BCKDHB: variants seen among roughly 807,000 people sequenced by gnomAD.
BCKDHB encodes branched chain keto acid dehydrogenase E1 subunit beta.
Under a neutral mutation model 48.5 loss-of-function variants are expected in BCKDHB, and 41 were observed. The observed-to-expected ratio is 0.85, with a 90% CI of 0.66 to 1.10. The LOEUF is 1.10. BCKDHB is among the 50% of genes least tolerant of loss of function. The pLI is 0.00. For synonymous variants in BCKDHB, 201 were observed against 174.8 expected, an observed-to-expected ratio of 1.15 and a Z score of -1.18; for missense variants, 496 against 494.2, an observed-to-expected ratio of 1.00 and a Z score of -0.03.
At chr6:80,119,522 T>C (rs1195693130) in intron 1 of BCKDHB, among the ~76,000 whole-genome samples, 1 of 152,092 alleles carries the variant, frequency 6.6e-6, no homozygotes, top group Non-Finnish European at 1.5e-5. Flanking sequence ...GGTTTCGCCA[T>C]GTTAGCCAGG....
At chr6:80,267,160 C>A (rs887208606) in intron 8 of BCKDHB, among the ~76,000 whole-genome samples, 2 of 152,030 alleles carry the variant, frequency 1.3e-5, no homozygotes, top group African/African-American at 4.8e-5. Context: ...GAGTTTCTGT[C>A]TTCAAACTTG....
chr6:80,145,736 T>C (rs568421339), intron 3 of BCKDHB, among the ~76,000 whole-genome samples: 1 of 152,272 alleles, frequency 6.6e-6, no homozygotes, highest in East Asian at 1.9e-4. Context: ...TGAAATATGC[T>C]CAGTAGAGAA....
the BCKDHB span, among the ~76,000 whole-genome samples, chr6:80,414,572 G>T: frequency 6.6e-6 from 1 of 152,050 alleles, no homozygotes; most frequent in Non-Finnish European, 1.5e-5. Flanking sequence ...ATAGTTGTAA[G>T]GGTGCAGCCA....
rs545777475 is a variant in BCKDHB at position 80,140,564 on chromosome 6, T to G, written c.343+11335T>G. On this transcript the variant is annotated intron_variant, in intron 3 of 9. Coordinates refer to ENST00000320393, the MANE Select transcript of BCKDHB (RefSeq NM_183050.4). Reference sequence around the variant, plus strand: ...TTTTCTGCATCTATTGAGATAATCATGTGGTTTTTGTCTTTGGTTCTGTTT... The same window carrying G: ...TTTTCTGCATCTATTGAGATAATCAGGTGGTTTTTGTCTTTGGTTCTGTTT... Among the ~76,000 whole-genome samples, 151 of 152,260 alleles carry G rather than the reference T, an allele frequency of 9.9e-4. 1 individual carries two copies. The highest frequency in any genetic ancestry group is 6.8e-3 in the Middle Eastern group (2 of 294).
At chr6:80,199,774 A>C (rs1774300236) in intron 6 of BCKDHB, among the ~76,000 whole-genome samples, 1 of 64,248 alleles carries the variant, frequency 1.6e-5, no homozygotes, top group Non-Finnish European at 4.2e-5. Context: ...TCTGTCTCAA[A>C]AAAAAAAAAA....
At chr6:80,253,008 TTCC>T (rs1187754553) in intron 8 of BCKDHB, among the ~76,000 whole-genome samples, 2 of 152,336 alleles carry the variant, frequency 1.3e-5, no homozygotes, top group South Asian at 4.1e-4. Context: ...TTACATTGTT[TTCC>T]TCACAACATC....
the BCKDHB span, among the ~76,000 whole-genome samples, chr6:80,416,666 T>C: frequency 1.3e-5 from 2 of 152,104 alleles, no homozygotes; most frequent in Non-Finnish European, 2.9e-5. Context: ...ATTTCCATTC[T>C]TTTGCATTTG....
At chr6:80,333,013 C>T (rs1161638923) in intron 9 of BCKDHB, among the ~76,000 whole-genome samples, 1 of 152,070 alleles carries the variant, frequency 6.6e-6, no homozygotes, top group Non-Finnish European at 1.5e-5. Context: ...GACCCCCTAG[C>T]TCCCCCAAAA....
chr6:80,365,448 T>C, the BCKDHB span, among the ~76,000 whole-genome samples: 1 of 152,060 alleles, frequency 6.6e-6, no homozygotes, highest in Non-Finnish European at 1.5e-5. Flanking sequence ...CCCAGGGTAT[T>C]AATATTAATA....
chr6:80,437,059 A>G, the BCKDHB span, among the ~76,000 whole-genome samples: 99 of 152,304 alleles, frequency 6.5e-4, 1 homozygote, highest in Admixed American at 1.5e-3. Context: ...AGATTTAGGC[A>G]TTATTTTAAT....
At chr6:80,233,857 G>C (rs189731019) in intron 8 of BCKDHB, among the ~76,000 whole-genome samples, 1 of 152,200 alleles carries the variant, frequency 6.6e-6, no homozygotes, top group African/African-American at 2.4e-5. Flanking sequence ...AAAAATAGTC[G>C]TATAGAGCAG....
At chr6:80,238,048 C>T (rs866714210) in intron 8 of BCKDHB, among the ~76,000 whole-genome samples, 1 of 152,118 alleles carries the variant, frequency 6.6e-6, no homozygotes, top group African/African-American at 2.4e-5. Context: ...TCCTTCCTCC[C>T]TCCTTCGCTT....
intron 6 of BCKDHB, among the ~76,000 whole-genome samples, chr6:80,172,875 A>G (rs149594444): frequency 6.6e-6 from 1 of 152,058 alleles, no homozygotes; most frequent in East Asian, 1.9e-4. Context: ...TATGGACTCT[A>G]TTATAGTCTG....
intron 8 of BCKDHB, among the ~76,000 whole-genome samples, chr6:80,221,150 C>T (rs1221779873): frequency 6.6e-6 from 1 of 152,104 alleles, no homozygotes; most frequent in Admixed American, 6.5e-5. Context: ...TTCTTATACT[C>T]ACCTCTCTAC....
Position 80,297,811 on chromosome 6 carries a change from C to T in BCKDHB, c.1038+24590C>T, listed in dbSNP as rs920108722. 3.9e-5 allele frequency among the ~76,000 whole-genome samples: 6 copies of T among 152,288 alleles called. 1 individual carries two copies. In the East Asian group the frequency reaches 7.7e-4, roughly 20 times the overall value. On this transcript the variant is annotated intron_variant, in intron 9 of 9. Transcript: ENST00000320393. ...CTAGCCCCAAAAGTATATTTCCTAC[C>T]TAGTTATTACATACCAAAGCTCTCT...
intron 3 of BCKDHB, among the ~76,000 whole-genome samples, chr6:80,142,063 A>G (rs1451283111): frequency 1.3e-5 from 2 of 151,998 alleles, no homozygotes; most frequent in Non-Finnish European, 2.9e-5. Flanking sequence ...GCACATCAAG[A>G]CCAGTGAATT....
intron 1 of BCKDHB, among the ~76,000 whole-genome samples, chr6:80,113,439 C>A (rs960858396): frequency 2.0e-5 from 3 of 152,168 alleles, no homozygotes; most frequent in Non-Finnish European, 4.4e-5. Flanking sequence ...TCAGGTGCTT[C>A]CACATAGAAA....
At chr6:80,252,732 A>G (rs1047924620) in intron 8 of BCKDHB, among the ~76,000 whole-genome samples, 3 of 152,204 alleles carry the variant, frequency 2.0e-5, no homozygotes, top group African/African-American at 4.8e-5. Context: ...TACAAAGTAT[A>G]GTTATGTATA....
intron 1 of BCKDHB, 39 bp downstream of exon 1, chr6:80,106,928 C>T (rs1006071420): frequency 8.3e-6 from 13 of 1,573,664 alleles, no homozygotes; most frequent in African/African-American, 1.4e-5. Context: ...CGCTGCAGCC[C>T]GGACTCCCAG....
Sources: gnomAD v4.1 joint callset for allele counts (sites outside exome capture counted in the v4.1 genomes callset) on GRCh38, gnomAD v4.1.1 for gene constraint, MANE v1.5 for transcripts, NCBI Gene and HGNC (gene_info 2026-07-23, HGNC 2026-07-21) for gene names.